Variants in VWA3A observed in about 807,000 individuals in gnomAD.
VWA3A encodes the protein von Willebrand factor A domain-containing protein 3A.
VWA3A carries 134 observed loss-of-function variants against 160.4 expected under a neutral mutation model. The ratio of observed to expected loss-of-function variants is 0.84; its 90% CI spans 0.73 to 0.96. VWA3A has a LOEUF of 0.96. VWA3A is among the 40% of genes least tolerant of loss of function. The pLI, the probability that VWA3A is intolerant of heterozygous loss-of-function variation, is 0.00. For missense variants in VWA3A, 1,310 were observed against 1,447.9 expected, an observed-to-expected ratio of 0.90 and a Z score of 1.55; for synonymous variants, 476 against 543.4, an observed-to-expected ratio of 0.88 and a Z score of 1.72.
At chr16:22,104,501 C>T (rs146721210) in intron 6 of VWA3A, among the ~76,000 whole-genome samples, 14 of 151,484 alleles carry the variant, frequency 9.2e-5, no homozygotes, top group South Asian at 2.1e-4. Flanking sequence ...AACAAACAAA[C>T]GAAAAGAAAA....
At chr16:22,106,071 G>A (rs572100616) in intron 6 of VWA3A, among the ~76,000 whole-genome samples, 2 of 152,262 alleles carry the variant, frequency 1.3e-5, no homozygotes, top group Admixed American at 6.5e-5. Flanking sequence ...GGAACAGAGG[G>A]TGGAACAGGA....
intron 1 of VWA3A, 122 bp from the exon 2 acceptor site, chr16:22,096,737 C>A: frequency 1.5e-6 from 1 of 665,936 alleles, no homozygotes. Context: ...TAAGTGAGAC[C>A]CTATCTCAAA....
intron 25 of VWA3A, among the ~76,000 whole-genome samples, chr16:22,143,335 A>G (rs2046187602): frequency 6.6e-6 from 1 of 152,208 alleles, no homozygotes. Context: ...TGTGCCAGTC[A>G]AATAAGATTG....
At position 22,154,960 on chromosome 16, in the gene VWA3A, CAAAAAAAAAAAAAAAAAA is replaced by C. The variant is rs747770335; in HGVS notation, c.3406-587_3406-570del. 4.0e-4 allele frequency among the ~76,000 whole-genome samples: 22 copies of C among 54,448 alleles called. 2 individuals carry two copies. The highest frequency in any genetic ancestry group is 1.2e-3 in the Admixed American group (4 of 3,380). The allele number at this position is 54,448 out of a possible 152,430, so 35.7% of individuals were successfully genotyped here. On this transcript the variant is annotated intron_variant, in intron 31 of 33. Coordinates refer to ENST00000389398, the MANE Select transcript of VWA3A (RefSeq NM_173615.5). Reference sequence around the variant, plus strand: ...TGGGCGACAGAGCGAGACTCCGTCTCAAAAAAAAAAAAAAAAAAAAAAAAAAAAAAAAAAAAAGCATGC... The same window carrying C: ...TGGGCGACAGAGCGAGACTCCGTCTCAAAAAAAAAAAAAAAAAAAGCATGC...
chr16:22,112,925 C>G (rs2045572208), intron 8 of VWA3A, among the ~76,000 whole-genome samples: 1 of 152,158 alleles, frequency 6.6e-6, no homozygotes. Flanking sequence ...CAGAACAAGG[C>G]CAATCCTACC....
chr16:22,106,361 G>A (rs2141855720), intron 6 of VWA3A, among the ~76,000 whole-genome samples: 1 of 152,082 alleles, frequency 6.6e-6, no homozygotes, highest in East Asian at 1.9e-4. Context: ...CTCCAGTCTG[G>A]GAGACAGAGT....
intron 5 of VWA3A, 51 bp from the exon 6 acceptor site, chr16:22,103,424 C>G (rs773728851): frequency 1.9e-5 from 28 of 1,512,964 alleles, no homozygotes; most frequent in Non-Finnish European, 2.5e-5. Flanking sequence ...GTGGCTGTTG[C>G]TCAGTGATGA....
intron 27 of VWA3A, chr16:22,147,704 C>T (rs1416757835): frequency 2.0e-5 from 14 of 700,970 alleles, no homozygotes; most frequent in East Asian, 2.7e-5. Flanking sequence ...TCTCCACCCT[C>T]GGTTCACATT....
chr16:22,141,382 A>C, intron 23 of VWA3A, 200 bp from the exon 24 acceptor site: 1 of 643,606 alleles, frequency 1.6e-6, no homozygotes, highest in Non-Finnish European at 2.8e-6. Flanking sequence ...TGGACTCAGT[A>C]AATGGTAGCT....
chr16:22,107,455 AGAG>A (rs1362476809), intron 6 of VWA3A, among the ~76,000 whole-genome samples: 2 of 152,188 alleles, frequency 1.3e-5, no homozygotes, highest in African/African-American at 4.8e-5. Context: ...GATAAAGAAG[AGAG>A]TGGCCAGGCA....
chr16:22,110,838 C>T, intron 7 of VWA3A, 50 bp from the exon 8 acceptor site: 1 of 1,528,360 alleles, frequency 6.5e-7, no homozygotes, highest in Non-Finnish European at 8.9e-7. Flanking sequence ...CAAAGCCAGG[C>T]TCCCGATTCC....
intron 16 of VWA3A, among the ~76,000 whole-genome samples, chr16:22,125,785 C>T (rs1390716663): frequency 6.6e-6 from 1 of 152,144 alleles, no homozygotes; most frequent in Non-Finnish European, 1.5e-5. Flanking sequence ...AGTTAAACTA[C>T]TTAAACAAAG....
intron 2 of VWA3A, 64 bp from the exon 3 acceptor site, chr16:22,097,508 C>A: frequency 6.5e-7 from 1 of 1,536,514 alleles, no homozygotes; most frequent in Non-Finnish European, 8.8e-7. Context: ...AGAGAGGAGG[C>A]ACTGGGGGTA....
At chr16:22,132,522 T>G (rs1252817519) in intron 19 of VWA3A, among the ~76,000 whole-genome samples, 1 of 152,166 alleles carries the variant, frequency 6.6e-6, no homozygotes, top group African/African-American at 2.4e-5. Flanking sequence ...CACTCCAGCC[T>G]AGGCAACAGA....
chr16:22,126,416 C>T lies in VWA3A; in HGVS notation c.1652+119C>T, dbSNP rs903529977. The T allele has an allele frequency of 3.3e-5, 45 of 1,366,532 alleles. 1 individual carries two copies. The African/African-American group carries it at 6.5e-4, about 20-fold the overall frequency. 84.7% of individuals were successfully genotyped at this position (1,366,532 alleles called of 1,614,324 possible). On this transcript the variant is annotated intron_variant, in intron 17 of 33. Coordinates refer to ENST00000389398, the MANE Select transcript of VWA3A (RefSeq NM_173615.5). Reference sequence around the variant, plus strand: ...TATTGACGTCATGGTCACCCGGCTTCCTAGGATAGCCATCGGTTTATCTGA... The same window carrying T: ...TATTGACGTCATGGTCACCCGGCTTTCTAGGATAGCCATCGGTTTATCTGA...
chr16:22,142,521 G>C (rs1489195460), intron 24 of VWA3A, 147 bp from the exon 25 acceptor site: 1 of 605,460 alleles, frequency 1.7e-6, no homozygotes, highest in African/African-American at 1.8e-5. Flanking sequence ...ACCAGAGAGA[G>C]CATTGATCTA....
At chr16:22,143,749 C>CTTT (rs555474217) in intron 25 of VWA3A, among the ~76,000 whole-genome samples, 1 of 127,318 alleles carries the variant, frequency 7.9e-6, no homozygotes. Flanking sequence ...TTCTTTCTTT[C>CTTT]TTTTTTTTTT....
chr16:22,100,686 T>A (rs1037719001), intron 5 of VWA3A, among the ~76,000 whole-genome samples, 193 bp downstream of exon 5: 20 of 151,472 alleles, frequency 1.3e-4, no homozygotes, highest in East Asian at 3.9e-4. Flanking sequence ...AATATTTTTT[T>A]AAAAAATTAG....
chr16:22,143,519 G>A (rs976501525), intron 25 of VWA3A, among the ~76,000 whole-genome samples: 1 of 152,162 alleles, frequency 6.6e-6, no homozygotes, highest in Non-Finnish European at 1.5e-5. Flanking sequence ...ATTGTGACAA[G>A]GAGACTGAGA....
Sources: gnomAD v4.1 joint callset for allele counts (sites outside exome capture counted in the v4.1 genomes callset) on GRCh38, gnomAD v4.1.1 for gene constraint, MANE v1.5 for transcripts, NCBI Gene and HGNC (gene_info 2026-07-23, HGNC 2026-07-21) for gene names.